Variants in PITPNC1 observed in about 807,000 individuals in gnomAD.
PITPNC1 encodes the protein cytoplasmic phosphatidylinositol transfer protein 1.
Under a neutral mutation model 44.7 loss-of-function variants are expected in PITPNC1, and 18 were observed. That is an observed-to-expected ratio of 0.40 (90% confidence interval 0.28 to 0.60). The LOEUF (loss-of-function observed/expected upper bound fraction) is 0.60, where lower values mean the gene tolerates loss of function less well. Among genes scored for constraint, PITPNC1 ranks in the 20% least tolerant of loss-of-function variants. The probability of loss-of-function intolerance (pLI) is 0.39; values close to 1 mark genes in which losing one functional copy is unlikely to be tolerated. For synonymous variants in PITPNC1, 141 were observed against 149.6 expected (o/e 0.94, Z 0.42); for missense variants, 290 against 418.4 (o/e 0.69, Z 2.68).
At chr17:67,563,201 T>C (rs1458761789) in intron 4 of PITPNC1, among the ~76,000 whole-genome samples, 2 of 152,138 alleles carry the variant, frequency 1.3e-5, no homozygotes, top group Non-Finnish European at 1.5e-5. Flanking sequence ...ACAGTTAATA[T>C]GACAATATAG....
chr17:67,534,638 CA>C (rs935531202), intron 2 of PITPNC1, among the ~76,000 whole-genome samples: 1 of 128,586 alleles, frequency 7.8e-6, no homozygotes, highest in Non-Finnish European at 1.7e-5. Context: ...GACCTTGTCT[CA>C]AAAAAAAAGA....
intron 1 of PITPNC1, among the ~76,000 whole-genome samples, chr17:67,491,044 A>G (rs1234032086): frequency 1.3e-5 from 2 of 152,240 alleles, no homozygotes; most frequent in African/African-American, 4.8e-5. Context: ...AGAAACAAAG[A>G]ATGCAGTCCT....
intron 1 of PITPNC1, among the ~76,000 whole-genome samples, chr17:67,440,506 AT>A: frequency 2.3e-5 from 1 of 44,072 alleles, no homozygotes; most frequent in East Asian, 2.9e-4. Flanking sequence ...CTTTTTATTT[AT>A]TTATTTATTT....
rs150671722 is a variant in PITPNC1 at position 67,405,990 on chromosome 17, C to T, written c.48+27788C>T. Among the ~76,000 whole-genome samples, 26 of 152,262 alleles carry T rather than the reference C, an allele frequency of 1.7e-4. No homozygotes were observed. The East Asian group carries it at 4.4e-3, about 26-fold the overall frequency. On this transcript the variant is annotated intron_variant, in intron 1 of 8. Coordinates refer to ENST00000581322, the MANE Select transcript of PITPNC1 (RefSeq NM_012417.4). ...TTATAGATGATTTAGTCTTCAATAACTTGCTATTTTTTCCTAGTAACTTTT... is the reference window on the plus strand; with the variant it reads ...TTATAGATGATTTAGTCTTCAATAATTTGCTATTTTTTCCTAGTAACTTTT...
chr17:67,688,978 G>A (rs370611420), intron 8 of PITPNC1, among the ~76,000 whole-genome samples: 2 of 152,212 alleles, frequency 1.3e-5, no homozygotes, highest in Admixed American at 6.5e-5. Flanking sequence ...CAAGGCGGGC[G>A]TATCACCTGA....
chr17:67,462,175 G>C (rs11867408), intron 1 of PITPNC1, among the ~76,000 whole-genome samples: 6,134 of 145,792 alleles, frequency 0.042, 179 homozygotes, highest in South Asian at 0.073. Flanking sequence ...GAATGAACTT[G>C]CCTACACCTT....
At chr17:67,511,891 C>T (rs2040188894) in intron 1 of PITPNC1, among the ~76,000 whole-genome samples, 1 of 152,200 alleles carries the variant, frequency 6.6e-6, no homozygotes, top group African/African-American at 2.4e-5. Flanking sequence ...TGCAGGTCTT[C>T]CCATTGCAAA....
At chr17:67,563,610 C>T (rs1010610125) in intron 4 of PITPNC1, among the ~76,000 whole-genome samples, 45 of 152,192 alleles carry the variant, frequency 3.0e-4, no homozygotes, top group African/African-American at 1.0e-3. Context: ...GGACAGGTCT[C>T]AGTGGCCATT....
At chr17:67,593,031 C>A (rs1187535348) in intron 5 of PITPNC1, among the ~76,000 whole-genome samples, 1 of 152,160 alleles carries the variant, frequency 6.6e-6, no homozygotes, top group African/African-American at 2.4e-5. Flanking sequence ...GAGAAAGACC[C>A]TGTCTCAAGA....
intron 5 of PITPNC1, among the ~76,000 whole-genome samples, chr17:67,618,393 T>A (rs577827959): frequency 2.1e-5 from 3 of 144,004 alleles, no homozygotes; most frequent in African/African-American, 7.8e-5. Context: ...AAAAGATATG[T>A]ATAACTTTTA....
At chr17:67,604,564 C>T (rs534177713) in intron 5 of PITPNC1, among the ~76,000 whole-genome samples, 85 of 152,304 alleles carry the variant, frequency 5.6e-4, no homozygotes, top group South Asian at 1.0e-3. Context: ...GGGTGGATAG[C>T]TTGAGGTCAG....
intron 1 of PITPNC1, among the ~76,000 whole-genome samples, chr17:67,530,085 C>CTTTTTT (rs796278390): frequency 4.9e-4 from 35 of 71,236 alleles, no homozygotes; most frequent in Non-Finnish European, 5.7e-4. Flanking sequence ...CAACCCTTGG[C>CTTTTTT]TTTTTTTTTT....
intron 1 of PITPNC1, among the ~76,000 whole-genome samples, chr17:67,470,271 C>T (rs1275350435): frequency 6.6e-6 from 1 of 152,158 alleles, no homozygotes; most frequent in Non-Finnish European, 1.5e-5. Flanking sequence ...AAGTGTACAG[C>T]TTGATGAGTT....
chr17:67,673,760 C>T (rs2042551293), intron 7 of PITPNC1, among the ~76,000 whole-genome samples: 1 of 151,544 alleles, frequency 6.6e-6, no homozygotes, highest in African/African-American at 2.4e-5. Context: ...ACCAGCCTGA[C>T]CAACATGGTG....
intron 5 of PITPNC1, among the ~76,000 whole-genome samples, chr17:67,608,571 A>T (rs1198422977): frequency 6.7e-6 from 1 of 148,694 alleles, no homozygotes; most frequent in Non-Finnish European, 1.5e-5. Flanking sequence ...GCTCACTGCA[A>T]CCTCCACCTC....
At chr17:67,448,488 C>T (rs1333614703) in intron 1 of PITPNC1, among the ~76,000 whole-genome samples, 1 of 152,212 alleles carries the variant, frequency 6.6e-6, no homozygotes, top group East Asian at 1.9e-4. Flanking sequence ...GCCTAGAAAA[C>T]CGCTTGGTGG....
chr17:67,575,392 A>C (rs1338966308), intron 4 of PITPNC1, among the ~76,000 whole-genome samples: 1 of 152,192 alleles, frequency 6.6e-6, no homozygotes, highest in African/African-American at 2.4e-5. Context: ...GTGTTAATGA[A>C]TAATCGCAGG....
In PITPNC1 at chr17:67,377,530, C is replaced by G. The variant is rs2037889824; in HGVS notation, c.-625C>G. The stretch of plus-strand genomic sequence containing the variant: ...GCGGCGGCGGCTTCCCTTTTCTCCC[C>G]GAGCCGAGCCCCGGAGCGGCGCGGG... On this transcript the variant is annotated 5_prime_UTR_variant, in exon 1 of 9. Coordinates refer to ENST00000581322, the MANE Select transcript of PITPNC1 (RefSeq NM_012417.4). The G allele has an allele frequency of 1.3e-5, 2 of 153,804 alleles. No homozygotes were observed. Among genetic ancestry groups the G allele is most frequent in the South Asian group, 3.5e-4 (2 of 5,668 alleles). The allele number at this position is 153,804 out of a possible 1,614,324, so 9.5% of individuals were successfully genotyped here.
intron 1 of PITPNC1, among the ~76,000 whole-genome samples, chr17:67,412,659 C>G (rs748700735): frequency 5.9e-5 from 9 of 152,084 alleles, no homozygotes; most frequent in Non-Finnish European, 1.2e-4. Context: ...CTCCACCTCC[C>G]GGGTTCAAGT....
Sources: gnomAD v4.1 joint callset for allele counts (sites outside exome capture counted in the v4.1 genomes callset) on GRCh38, gnomAD v4.1.1 for gene constraint, MANE v1.5 for transcripts, NCBI Gene and HGNC (gene_info 2026-07-23, HGNC 2026-07-21) for gene names.